The following XKR6 variants were observed in gnomAD, a reference collection of about 807,000 sequenced individuals.
The protein encoded by XKR6 is XK-related protein 6.
Under a neutral mutation model 56.7 loss-of-function variants are expected in XKR6, and 22 were observed. That is an observed-to-expected ratio of 0.39 (90% CI 0.28 to 0.55). XKR6 has a LOEUF of 0.55. XKR6 is among the 20% of genes least tolerant of loss of function. The pLI is 0.66. For synonymous variants in XKR6, 524 were observed against 387.8 expected, an observed-to-expected ratio of 1.35 and a Z score of -4.13; for missense variants, 852 against 889.0, an observed-to-expected ratio of 0.96 and a Z score of 0.53.
chr8:10,979,231 C>G (rs1049212283), intron 1 of XKR6, among the ~76,000 whole-genome samples: 2 of 152,032 alleles, frequency 1.3e-5, no homozygotes, highest in Non-Finnish European at 2.9e-5. Context: ...GGGCCAGGCC[C>G]ACTAGCCTAC....
chr8:11,036,639 A>C (rs1262759812), intron 1 of XKR6, among the ~76,000 whole-genome samples: 1 of 152,244 alleles, frequency 6.6e-6, no homozygotes, highest in African/African-American at 2.4e-5. Flanking sequence ...AGATCTGAAC[A>C]ACACTGCTCT....
chr8:11,017,778 G>C (rs1798659964), intron 1 of XKR6, among the ~76,000 whole-genome samples: 1 of 152,224 alleles, frequency 6.6e-6, no homozygotes, highest in Non-Finnish European at 1.5e-5. Flanking sequence ...ATCAGTCAGA[G>C]GCACCAGTAG....
At chr8:11,113,199 G>C (rs1563145030) in intron 1 of XKR6, among the ~76,000 whole-genome samples, 1 of 152,084 alleles carries the variant, frequency 6.6e-6, no homozygotes, top group Non-Finnish European at 1.5e-5. Context: ...AAATGAAGTG[G>C]CGTAAACAAC....
At chr8:11,195,192 T>C in intron 1 of XKR6, 1 of 703,194 alleles carries the variant, frequency 1.4e-6, no homozygotes, top group Non-Finnish European at 2.6e-6. Flanking sequence ...GCTCCTTCTT[T>C]TCCTTGATGG....
At chr8:11,002,065 T>TTAA in intron 1 of XKR6, among the ~76,000 whole-genome samples, 1 of 127,076 alleles carries the variant, frequency 7.9e-6, no homozygotes, top group African/African-American at 3.0e-5. Flanking sequence ...CCATGTGAGT[T>TTAA]AAAAAAAAAA....
In XKR6 at chr8:11,124,649, G is replaced by T. The variant is rs114518723; in HGVS notation, c.764+75927C>A. ...GAAAAGAGAGTTTAAAACACTGCAG[G>T]GGGGTAGGAGAAGGTTGGAGGGAGG... On this transcript the variant is annotated intron_variant, in intron 1 of 2. Coordinates refer to ENST00000416569, the MANE Select transcript of XKR6 (RefSeq NM_173683.4). 1,257 of 153,128 alleles carry T rather than the reference G, an allele frequency of 8.2e-3. 14 individuals are homozygous for T. The highest frequency in any genetic ancestry group is 0.029 in the African/African-American group (1,201 of 41,504). 9.5% of individuals were successfully genotyped at this position (153,128 alleles called of 1,614,324 possible). A position where few individuals can be genotyped will look rare whatever the true frequency, so the allele number is the denominator to read the frequency against.
intron 1 of XKR6, among the ~76,000 whole-genome samples, chr8:11,083,170 C>A (rs1797783317): frequency 6.6e-6 from 1 of 152,198 alleles, no homozygotes; most frequent in South Asian, 2.1e-4. Flanking sequence ...CTTCAAAGTG[C>A]CCGTGGGGCT....
rs563089407 is a variant in XKR6 at position 10,932,623 on chromosome 8, T to C, written c.765-7793A>G. On this transcript the variant is annotated intron_variant, in intron 1 of 2. Coordinates refer to ENST00000416569, the MANE Select transcript of XKR6 (RefSeq NM_173683.4). Reference sequence around the variant, plus strand: ...CCAGAGTGTGATATTCCCCTTCATGTGTCCATGTGATCTCACTGTTCAATT... The same window carrying C: ...CCAGAGTGTGATATTCCCCTTCATGCGTCCATGTGATCTCACTGTTCAATT... Among the ~76,000 whole-genome samples, 637 of 133,188 alleles carry C rather than the reference T, an allele frequency of 4.8e-3. 5 individuals are homozygous for C. Among genetic ancestry groups the C allele is most frequent in the African/African-American group, 0.017 (572 of 34,284 alleles). The allele number at this position is 133,188 out of a possible 152,430, so 87.4% of individuals were successfully genotyped here.
intron 1 of XKR6, among the ~76,000 whole-genome samples, chr8:11,125,385 G>C (rs1314227935): frequency 6.6e-6 from 1 of 152,124 alleles, no homozygotes; most frequent in East Asian, 1.9e-4. Context: ...TCAGGTTATT[G>C]ATTTTAGGCA....
chr8:11,105,501 G>A (rs1048618896), intron 1 of XKR6: 6 of 152,340 alleles, frequency 3.9e-5, no homozygotes, highest in East Asian at 3.9e-4. Flanking sequence ...CCACTGCTGA[G>A]TCAAGAAGGG....
At chr8:11,192,179 G>A (rs546108024) in intron 1 of XKR6, among the ~76,000 whole-genome samples, 130 of 151,878 alleles carry the variant, frequency 8.6e-4, no homozygotes, top group African/African-American at 2.2e-3. Flanking sequence ...TTTTTTGTGA[G>A]GTGGAGTCTC....
chr8:11,070,188 CGT>C (rs922454066), intron 1 of XKR6, among the ~76,000 whole-genome samples: 1 of 152,114 alleles, frequency 6.6e-6, no homozygotes, highest in Admixed American at 6.5e-5. Flanking sequence ...CTAGGGTCCC[CGT>C]AGTCTCCAGG....
intron 1 of XKR6, among the ~76,000 whole-genome samples, chr8:11,196,530 C>T (rs902045297): frequency 4.6e-5 from 7 of 152,210 alleles, no homozygotes; most frequent in Non-Finnish European, 1.0e-4. Flanking sequence ...GACACTCATG[C>T]TTCCAAGGTA....
intron 1 of XKR6, among the ~76,000 whole-genome samples, chr8:11,171,172 A>G (rs1802348816): frequency 6.6e-6 from 1 of 152,242 alleles, no homozygotes; most frequent in Non-Finnish European, 1.5e-5. Flanking sequence ...GATCTGCTGA[A>G]GTGTGGTCCA....
chr8:11,201,374 G>T lies in XKR6; in HGVS notation c.-35C>A. The stretch of plus-strand genomic sequence containing the variant: ...CTTCCCAGCTCCGGAGGTTGGGGGG[G>T]AGGGACGGCGGGGGGGGGGGGAAGA... On this transcript the variant is annotated 5_prime_UTR_variant, in exon 1 of 3. Coordinates refer to ENST00000416569, the MANE Select transcript of XKR6 (RefSeq NM_173683.4). The T allele has an allele frequency of 2.2e-6, 3 of 1,341,202 alleles. No homozygotes were observed. The highest frequency in any genetic ancestry group is 2.9e-6 in the Non-Finnish European group (3 of 1,030,954). The allele number at this position is 1,341,202 out of a possible 1,614,324, so 83.1% of individuals were successfully genotyped here. A position where few individuals can be genotyped will look rare whatever the true frequency, so the allele number is the denominator to read the frequency against.
intron 1 of XKR6, chr8:11,106,380 G>A (rs762561255): frequency 2.0e-5 from 3 of 152,254 alleles, no homozygotes; most frequent in Non-Finnish European, 4.4e-5. Context: ...GAGCTCCAGA[G>A]AGGCCGGTAT....
intron 1 of XKR6, among the ~76,000 whole-genome samples, chr8:10,949,250 G>C (rs1032027430): frequency 6.6e-6 from 1 of 152,358 alleles, no homozygotes; most frequent in African/African-American, 2.4e-5. Context: ...CCGTTTCTAA[G>C]TCCCTTCCAT....
intron 1 of XKR6, among the ~76,000 whole-genome samples, chr8:11,121,307 C>T (rs1006779329): frequency 6.6e-6 from 1 of 152,134 alleles, no homozygotes; most frequent in Non-Finnish European, 1.5e-5. Flanking sequence ...CGGCTAATAT[C>T]CAGAATCTAC....
chr8:11,104,391 A>G (rs1025543131), intron 1 of XKR6, among the ~76,000 whole-genome samples: 1 of 152,240 alleles, frequency 6.6e-6, no homozygotes, highest in Non-Finnish European at 1.5e-5. Flanking sequence ...GACACAGTAT[A>G]TATACAGCCC....
Sources: gnomAD v4.1 joint callset for allele counts (sites outside exome capture counted in the v4.1 genomes callset) on GRCh38, gnomAD v4.1.1 for gene constraint, MANE v1.5 for transcripts, NCBI Gene and HGNC (gene_info 2026-07-23, HGNC 2026-07-21) for gene names.